Variants in MYCT1 observed in about 807,000 individuals in gnomAD.
MYCT1 encodes myc target protein 1.
In MYCT1, 12 loss-of-function variants were observed where a neutral mutation model predicts 15.0. The observed-to-expected ratio is 0.80, with a 90% CI of 0.51 to 1.29. The LOEUF (loss-of-function observed/expected upper bound fraction) is 1.29. Ranked by LOEUF, MYCT1 falls within the 50% of genes most tolerant of loss-of-function variation. The pLI, the probability that MYCT1 is intolerant of heterozygous loss-of-function variation, is 0.00. For missense variants in MYCT1, 287 were observed against 279.1 expected, an observed-to-expected ratio of 1.03 and a Z score of -0.20; for synonymous variants, 104 against 102.7, an observed-to-expected ratio of 1.01 and a Z score of -0.07.
chr6:152,708,448 G>T (rs1261649494), intron 1 of MYCT1, among the ~76,000 whole-genome samples: 1 of 151,986 alleles, frequency 6.6e-6, no homozygotes, highest in East Asian at 1.9e-4. Flanking sequence ...GGAGACTGAG[G>T]TGGGAGGGTC....
rs1380158363 is a variant in MYCT1, at chr6:152,723,534, C to T, written c.*1281C>T. ...ATGTTGCCCATGAAGAATTCTCCTTCCTGGATTGACTCTTAATCATCAGGC... is the reference window on the plus strand; with the variant it reads ...ATGTTGCCCATGAAGAATTCTCCTTTCTGGATTGACTCTTAATCATCAGGC... On this transcript the variant is annotated 3_prime_UTR_variant, in exon 2 of 2. Coordinates refer to ENST00000367245, the MANE Select transcript of MYCT1 (RefSeq NM_025107.3). 6.6e-6 allele frequency: 1 copy of T among 152,202 alleles called. No individual in the cohort carries two copies. The highest frequency in any genetic ancestry group is 1.5e-5 in the Non-Finnish European group (1 of 68,052). 9.4% of individuals were successfully genotyped at this position (152,202 alleles called of 1,614,324 possible).
At chr6:152,710,618 A>T (rs1265842682) in intron 1 of MYCT1, among the ~76,000 whole-genome samples, 1 of 1,704 alleles carries the variant, frequency 5.9e-4, no homozygotes, top group Non-Finnish European at 1.3e-3. Flanking sequence ...ATTCTCTTTG[A>T]AGCAATTGTG....
chr6:152,709,008 C>T (rs1454464003), intron 1 of MYCT1, among the ~76,000 whole-genome samples: 1 of 21,062 alleles, frequency 4.7e-5, no homozygotes, highest in Non-Finnish European at 1.1e-4. Context: ...ATCCCTCCCC[C>T]CTCCCCCGAC....
chr6:152,704,538 T>C (rs976899439), intron 1 of MYCT1, among the ~76,000 whole-genome samples: 1 of 152,190 alleles, frequency 6.6e-6, no homozygotes, highest in African/African-American at 2.4e-5. Flanking sequence ...ATACAATGTG[T>C]AATGATCAAA....
chr6:152,721,685 T>C, intron 1 of MYCT1, 57 bp from the exon 2 acceptor site: 1 of 1,513,348 alleles, frequency 6.6e-7, no homozygotes, highest in Non-Finnish European at 9.0e-7. Context: ...CTGACCCTTG[T>C]TTTTAGTTGA....
Position 152,720,050 on chromosome 6 carries a change from T to A in MYCT1, c.197-1692T>A, listed in dbSNP as rs185523975. Among the ~76,000 whole-genome samples the A allele has an allele frequency of 1.4e-4, 22 of 152,116 alleles. No homozygotes were observed. In the East Asian group the frequency reaches 4.3e-3, roughly 29 times the overall value. On this transcript the variant is annotated intron_variant, in intron 1 of 1. Transcript: ENST00000367245. ...GTAATTTGAGATGAAATCAGCTTGG[T>A]GGATTTTCTGCTGGTCTTTGCTCAT...
intron 1 of MYCT1, among the ~76,000 whole-genome samples, chr6:152,706,288 A>G (rs992350492): frequency 6.6e-6 from 1 of 152,180 alleles, no homozygotes; most frequent in African/African-American, 2.4e-5. Flanking sequence ...GTTTCAGTTG[A>G]CAAACTGTAT....
Sources: allele counts gnomAD v4.1 joint callset (sites outside exome capture counted in the v4.1 genomes callset), GRCh38; gene constraint gnomAD v4.1.1; transcripts MANE v1.5; gene names NCBI Gene and HGNC (gene_info 2026-07-23, HGNC 2026-07-21).